The following CFAP54 variants were observed in gnomAD, a reference collection of about 807,000 sequenced individuals.
The protein encoded by CFAP54 is cilia and flagella associated protein 54, also known as cilia- and flagella-associated protein 54.
Under a neutral mutation model 370.4 loss-of-function variants are expected in CFAP54, and 290 were observed. The observed-to-expected ratio is 0.78, with a 90% confidence interval of 0.71 to 0.86. The LOEUF is 0.86. CFAP54 is among the 40% of genes least tolerant of loss of function. The pLI is 0.00. For synonymous variants in CFAP54, 1,206 were observed against 1,236.5 expected (o/e 0.98, Z 0.52); for missense variants, 3,399 against 3,528.7 (o/e 0.96, Z 0.93).
At chr12:96,625,400 G>T (rs543372806) in intron 28 of CFAP54, among the ~76,000 whole-genome samples, 1 of 152,224 alleles carries the variant, frequency 6.6e-6, no homozygotes, top group East Asian at 1.9e-4. Context: ...AAATGTAATT[G>T]GTAGATTTCT....
At chr12:96,844,775 T>C (rs1029881980) in intron 66 of CFAP54, among the ~76,000 whole-genome samples, 1 of 152,132 alleles carries the variant, frequency 6.6e-6, no homozygotes, top group Non-Finnish European at 1.5e-5. Context: ...AGCTCCCAAC[T>C]ATACTCTAAG....
chr12:96,581,255 A>G (rs1194470582), intron 22 of CFAP54, 150 bp downstream of exon 22: 6 of 518,940 alleles, frequency 1.2e-5, no homozygotes, highest in East Asian at 3.5e-5. Flanking sequence ...GTCTCATAAA[A>G]TATGAATCAT....
In CFAP54 at chr12:96,500,826, T is replaced by C. The variant is rs1189432730; in HGVS notation, c.318-8T>C. The C allele has an allele frequency of 1.3e-6, 2 of 1,515,914 alleles. No homozygotes were observed. The highest frequency in any genetic ancestry group is 1.4e-5 in the African/African-American group (1 of 72,082). The allele number at this position is 1,515,914 out of a possible 1,614,324, so 93.9% of individuals were successfully genotyped here. On this transcript the variant is annotated splice_polypyrimidine_tract_variant and splice_region_variant and intron_variant, in intron 1 of 67. Transcript: ENST00000524981. ...TGACAATGTCGTTTTATTTTATGAT[T>C]TTTACAGTGCCACTTCTTTGTTTAA...
At chr12:96,604,352 T>C (rs1956278526) in intron 26 of CFAP54, among the ~76,000 whole-genome samples, 1 of 152,126 alleles carries the variant, frequency 6.6e-6, no homozygotes. Flanking sequence ...CACCTGCCTG[T>C]TTGAGGTGTC....
At chr12:96,709,725 A>ATTATTG (rs1555301738) in intron 48 of CFAP54, among the ~76,000 whole-genome samples, 2 of 149,712 alleles carry the variant, frequency 1.3e-5, no homozygotes, top group Admixed American at 6.7e-5. Flanking sequence ...TATTATTATT[A>ATTATTG]TTATTATTGT....
chr12:96,592,323 T>A (rs572440020), intron 23 of CFAP54, among the ~76,000 whole-genome samples, 167 bp from the exon 24 acceptor site: 1 of 152,326 alleles, frequency 6.6e-6, no homozygotes, highest in Admixed American at 6.5e-5. Flanking sequence ...TTTCAGTAGT[T>A]TAATTTTCTT....
At chr12:96,613,412 AAGC>A (rs2136457025) in intron 26 of CFAP54, among the ~76,000 whole-genome samples, 1 of 152,342 alleles carries the variant, frequency 6.6e-6, no homozygotes, top group South Asian at 2.1e-4. Context: ...GCACAAGAGA[AAGC>A]AGGAAAGATC....
Position 96,534,157 on chromosome 12 carries a change from G to C in CFAP54, c.1635G>C (p.Leu545Phe). The C allele has an allele frequency of 6.5e-7, 1 of 1,526,856 alleles. No individual in the cohort carries two copies. 94.6% of individuals were successfully genotyped at this position (1,526,856 alleles called of 1,614,324 possible). A position where few individuals can be genotyped will look rare whatever the true frequency, so the allele number is the denominator to read the frequency against. ...TCAACGTGAAGAGAAACAAAGGTTT[G>C]ATCTTTCCTTTGGAAAACTATAAAG... Reference protein sequence around the residue: ...PLINVKRNKGLIFPLENYKEG... With the variant: ...PLINVKRNKGFIFPLENYKEG... The change falls in exon 11 of 68, where the codon TTG (leucine) becomes TTC (phenylalanine). Residue 545 changes from leucine to phenylalanine, a missense_variant. By Grantham distance (22) the Leu-to-Phe change is conservative. Coordinates refer to ENST00000524981, the MANE Select transcript of CFAP54 (RefSeq NM_001306084.2).
At chr12:96,808,593 C>G (rs532778952) in intron 63 of CFAP54, among the ~76,000 whole-genome samples, 2 of 152,116 alleles carry the variant, frequency 1.3e-5, no homozygotes, top group Non-Finnish European at 2.9e-5. Flanking sequence ...TATGGCATAT[C>G]GTGGTCTCAA....
chr12:96,609,551 A>C (rs764610019), intron 26 of CFAP54, among the ~76,000 whole-genome samples: 1 of 152,124 alleles, frequency 6.6e-6, no homozygotes, highest in Non-Finnish European at 1.5e-5. Context: ...GACTCCTAAC[A>C]GTGAGATTCA....
At chr12:96,808,360 C>G (rs1201718167) in intron 63 of CFAP54, among the ~76,000 whole-genome samples, 2 of 152,128 alleles carry the variant, frequency 1.3e-5, no homozygotes, top group Admixed American at 1.3e-4. Flanking sequence ...TCTTGAGTTA[C>G]TCTCTTGTGT....
At chr12:96,524,099 A>G (rs1955349201) in intron 8 of CFAP54, among the ~76,000 whole-genome samples, 9 of 152,152 alleles carry the variant, frequency 5.9e-5, no homozygotes, top group Admixed American at 5.9e-4. Context: ...TATGCATTGA[A>G]CATATTTTCT....
At chr12:96,625,886 T>C (rs1956545025) in intron 29 of CFAP54, 79 bp downstream of exon 29, 1 of 1,133,326 alleles carries the variant, frequency 8.8e-7, no homozygotes, top group Non-Finnish European at 1.3e-6. Flanking sequence ...TTGTTTCTGT[T>C]GTCTGCTTGA....
At chr12:96,708,040 C>A (rs1427463047) in intron 47 of CFAP54, among the ~76,000 whole-genome samples, 2 of 152,080 alleles carry the variant, frequency 1.3e-5, no homozygotes, top group Non-Finnish European at 2.9e-5. Flanking sequence ...CCGTTTTCCA[C>A]CCCAGGGATG....
chr12:96,526,885 GTTTTTTTTTTT>G lies in CFAP54; in HGVS notation c.1159-348_1159-338del, dbSNP rs34080505. ...CTTACTTTTCTTTGCCTTATAACAG[GTTTTTTTTTTT>G]TTTTTTTTTTTTGCCTGAGACAGGG... is the stretch of plus-strand genomic sequence containing the variant. On this transcript the variant is annotated intron_variant, in intron 8 of 67. Transcript: ENST00000524981. Among the ~76,000 whole-genome samples, 21 of 97,698 alleles carry G rather than the reference GTTTTTTTTTTT, an allele frequency of 2.1e-4. No homozygotes were observed. In the South Asian group the frequency reaches 6.8e-3, roughly 31 times the overall value. 64.1% of individuals were successfully genotyped at this position (97,698 alleles called of 152,430 possible).
intron 19 of CFAP54, among the ~76,000 whole-genome samples, chr12:96,574,915 A>T (rs1405666687): frequency 2.0e-5 from 3 of 152,086 alleles, no homozygotes; most frequent in African/African-American, 7.2e-5. Flanking sequence ...TTCTCTCTGT[A>T]TTTGGAAACA....
chr12:96,639,252 C>T (rs2136485399), intron 32 of CFAP54, among the ~76,000 whole-genome samples: 1 of 152,216 alleles, frequency 6.6e-6, no homozygotes, highest in South Asian at 2.1e-4. Flanking sequence ...GGGATATCAC[C>T]ACCGATCCCA....
chr12:96,737,743 C>T (rs891115540), intron 50 of CFAP54, among the ~76,000 whole-genome samples: 9 of 152,202 alleles, frequency 5.9e-5, no homozygotes, highest in Non-Finnish European at 1.2e-4. Flanking sequence ...CCGCCTCGGC[C>T]TCCCAAAGTG....
chr12:96,686,555 A>T (rs181969375), intron 42 of CFAP54, among the ~76,000 whole-genome samples: 21 of 152,300 alleles, frequency 1.4e-4, no homozygotes, highest in African/African-American at 4.1e-4. Flanking sequence ...ATATTTGAAT[A>T]TGGGAGCCCG....
Sources: allele counts gnomAD v4.1 joint callset (sites outside exome capture counted in the v4.1 genomes callset), GRCh38; gene constraint gnomAD v4.1.1; transcripts MANE v1.5; gene names NCBI Gene and HGNC (gene_info 2026-07-23, HGNC 2026-07-21).